Variants in SLC2A14 observed in about 807,000 individuals in gnomAD.
SLC2A14 encodes solute carrier family 2 member 14.
Under a neutral mutation model 43.0 loss-of-function variants are expected in SLC2A14, and 13 were observed. The ratio of observed to expected loss-of-function variants is 0.30; its 90% CI spans 0.20 to 0.48. The LOEUF is 0.48. Among genes scored for constraint, SLC2A14 ranks in the 20% least tolerant of loss-of-function variants. The pLI, the probability that SLC2A14 is intolerant of heterozygous loss-of-function variation, is 0.99. For missense variants in SLC2A14, 428 were observed against 620.4 expected, an observed-to-expected ratio of 0.69 and a Z score of 3.29; for synonymous variants, 190 against 233.8, an observed-to-expected ratio of 0.81 and a Z score of 1.71.
chr12:7,850,096 C>A (rs143639040), intron 2 of SLC2A14, among the ~76,000 whole-genome samples: 36 of 150,454 alleles, frequency 2.4e-4, no homozygotes, highest in African/African-American at 8.8e-4. Context: ...AGAAAGGCTT[C>A]TTGAAGTTGG....
chr12:7,871,385 G>T, intron 1 of SLC2A14: 1 of 370,654 alleles, frequency 2.7e-6, no homozygotes, highest in South Asian at 6.9e-5. Flanking sequence ...GGCCACCCCA[G>T]CCCTCGCGAC....
At chr12:7,842,010 G>GA (rs79332504) in intron 2 of SLC2A14, among the ~76,000 whole-genome samples, 2,841 of 123,290 alleles carry the variant, frequency 0.023, 84 homozygotes, top group African/African-American at 0.077. Context: ...TGTCTCAAAA[G>GA]AAAAAAAAAA....
chr12:7,844,725 G>A (rs1000329247), intron 2 of SLC2A14, among the ~76,000 whole-genome samples: 49 of 151,982 alleles, frequency 3.2e-4, no homozygotes, highest in African/African-American at 1.1e-3. Context: ...TTAGTAAAGA[G>A]GGGTTTCACC....
At chr12:7,832,994 G>A (rs921792897) in intron 2 of SLC2A14, among the ~76,000 whole-genome samples, 180 bp from the exon 3 acceptor site, 2 of 152,172 alleles carry the variant, frequency 1.3e-5, no homozygotes, top group Admixed American at 6.5e-5. Flanking sequence ...TTATACTAAA[G>A]AACTTATCTG....
intron 1 of SLC2A14, among the ~76,000 whole-genome samples, chr12:7,881,201 C>T (rs1424824734): frequency 1.3e-5 from 2 of 152,134 alleles, no homozygotes; most frequent in African/African-American, 4.8e-5. Context: ...CCCTTCAGCC[C>T]CCTGCTGCAC....
chr12:7,891,044 A>C, exon 1 of SLC2A14: 11 of 1,535,170 alleles, frequency 7.2e-6, no homozygotes, highest in Non-Finnish European at 9.6e-6. Context: ...TGGAGGTCTG[A>C]GAAGAAAAAA....
At chr12:7,869,585 T>A (rs1945117352) in intron 2 of SLC2A14, among the ~76,000 whole-genome samples, 1 of 152,176 alleles carries the variant, frequency 6.6e-6, no homozygotes, top group Non-Finnish European at 1.5e-5. Flanking sequence ...CGGAGGCCTG[T>A]TTGCAATTAC....
At chr12:7,861,443 T>C (rs749376608) in intron 2 of SLC2A14, among the ~76,000 whole-genome samples, 97 of 152,194 alleles carry the variant, frequency 6.4e-4, no homozygotes, top group Non-Finnish European at 1.1e-3. Flanking sequence ...TTTGTGCAAA[T>C]TAGGCAAAGG....
intron 8 of SLC2A14, among the ~76,000 whole-genome samples, chr12:7,820,311 A>T (rs1000854428): frequency 2.5e-4 from 38 of 152,042 alleles, no homozygotes; most frequent in African/African-American, 6.3e-4. Flanking sequence ...TTTCCTGAGT[A>T]CTGTGAGCCA....
At chr12:7,874,577 C>T (rs772783084), upstream of SLC2A14, among the ~76,000 whole-genome samples, 1 of 151,230 alleles carries the variant, frequency 6.6e-6, no homozygotes, top group South Asian at 2.1e-4. Flanking sequence ...GAGACTGAGG[C>T]AGGAAAATTG....
intron 2 of SLC2A14, among the ~76,000 whole-genome samples, chr12:7,848,989 C>G (rs10734881): frequency 0.99 from 150,565 of 151,938 alleles, 74,619 homozygotes; most frequent in East Asian, 1. Context: ...AAGTAGCTGG[C>G]ATTACAGGAA....
intron 1 of SLC2A14, among the ~76,000 whole-genome samples, chr12:7,882,948 T>C (rs756323315): frequency 2.6e-5 from 4 of 151,158 alleles, no homozygotes; most frequent in South Asian, 4.2e-4. Context: ...TGGTGGCTCG[T>C]GCCTGTAATC....
At chr12:7,871,248 T>C in intron 1 of SLC2A14, 1 of 1,215,820 alleles carries the variant, frequency 8.2e-7, no homozygotes, top group Non-Finnish European at 1.0e-6. Flanking sequence ...CCACCATGGG[T>C]GACAGCTTCA....
chr12:7,825,550 T>C (rs535652841), intron 7 of SLC2A14, among the ~76,000 whole-genome samples: 1 of 139,402 alleles, frequency 7.2e-6, no homozygotes, highest in Non-Finnish European at 1.7e-5. Flanking sequence ...GATCACAAAG[T>C]CAGGAGATTG....
chr12:7,883,928 CT>C (rs57358206), intron 1 of SLC2A14, among the ~76,000 whole-genome samples: 58,899 of 149,994 alleles, frequency 0.39, 11,706 homozygotes, highest in African/African-American at 0.45. Context: ...TTCTTTCTTT[CT>C]TTTTTTTTGT....
intron 1 of SLC2A14, among the ~76,000 whole-genome samples, chr12:7,879,169 A>G (rs1945520615): frequency 6.6e-6 from 1 of 151,638 alleles, no homozygotes; most frequent in South Asian, 2.1e-4. Context: ...CCCTTGCCTT[A>G]CCACATTCCG....
intron 3 of SLC2A14, among the ~76,000 whole-genome samples, chr12:7,832,217 T>A (rs1205566502): frequency 1.3e-5 from 2 of 152,170 alleles, no homozygotes; most frequent in Non-Finnish European, 2.9e-5. Context: ...GAATTAATGT[T>A]AACTCTCCCT....
intron 10 of SLC2A14, among the ~76,000 whole-genome samples, chr12:7,815,916 T>C (rs1176623132): frequency 2.0e-5 from 3 of 151,314 alleles, no homozygotes; most frequent in Non-Finnish European, 4.4e-5. Context: ...GTTTTTGTTT[T>C]TGAGATGGAG....
intron 2 of SLC2A14, among the ~76,000 whole-genome samples, chr12:7,836,761 G>A (rs1464889179): frequency 6.6e-6 from 1 of 151,956 alleles, no homozygotes; most frequent in East Asian, 1.9e-4. Flanking sequence ...ACTTGAACCC[G>A]GGAGGCGGAC....
Sources: allele counts gnomAD v4.1 joint callset (sites outside exome capture counted in the v4.1 genomes callset), GRCh38; gene constraint gnomAD v4.1.1; transcripts MANE v1.5; gene names NCBI Gene and HGNC (gene_info 2026-07-23, HGNC 2026-07-21).